Variants in GRID2 observed in about 807,000 individuals in gnomAD.
GRID2 encodes the protein glutamate receptor ionotropic, delta-2.
In GRID2, 33 loss-of-function variants were observed where a neutral mutation model predicts 114.8. That is an observed-to-expected ratio of 0.29 (90% CI 0.22 to 0.38). The LOEUF (loss-of-function observed/expected upper bound fraction) is 0.38, where lower values mean the gene tolerates loss of function less well. Among genes scored for constraint, GRID2 ranks in the 10% least tolerant of loss-of-function variants. The pLI is 1.00. For missense variants in GRID2, 1,184 were observed against 1,257.7 expected (o/e 0.94, Z 0.89); for synonymous variants, 505 against 449.9 (o/e 1.12, Z -1.55).
rs569553091 is a variant in GRID2 at position 92,326,181 on chromosome 4, A to G, written c.88+21437A>G. ...CTTTCAGAATTGAGCTATCACTGCA[A>G]TTTTAATCAACAAAACTAGTTCCTA... On this transcript the variant is annotated intron_variant, in intron 1 of 15. Transcript: ENST00000282020. 6.9e-4 allele frequency among the ~76,000 whole-genome samples: 105 copies of G among 151,992 alleles called. 1 individual carries two copies. Among genetic ancestry groups the G allele is most frequent in the Non-Finnish European group, 1.3e-3 (88 of 67,842 alleles).
chr4:93,400,685 A>G (rs1208128458), intron 9 of GRID2, among the ~76,000 whole-genome samples: 3 of 152,172 alleles, frequency 2.0e-5, no homozygotes, highest in Non-Finnish European at 4.4e-5. Flanking sequence ...TCTGAGAACC[A>G]TAAATTGGCA....
intron 8 of GRID2, among the ~76,000 whole-genome samples, chr4:93,385,513 G>A (rs1156405524): frequency 1.3e-5 from 2 of 152,246 alleles, no homozygotes; most frequent in East Asian, 3.9e-4. Context: ...TTTTCATTGT[G>A]TGTGAATTGT....
At position 93,660,985 on chromosome 4, in the gene GRID2, G is replaced by A. The variant is rs559585925; in HGVS notation, c.2360+34550G>A. Among the ~76,000 whole-genome samples, 3 of 152,182 alleles carry A rather than the reference G, an allele frequency of 2.0e-5. No individual in the cohort carries two copies. In the South Asian group the frequency reaches 6.2e-4, roughly 32 times the overall value. The stretch of plus-strand genomic sequence containing the variant: ...AGGGGGAAAAAAAAAGCAAAAAACT[G>A]ACCTCGCACCTGAAGAAAGGTACTA... On this transcript the variant is annotated intron_variant, in intron 14 of 15. Transcript: ENST00000282020.
At chr4:92,926,792 T>C (rs916144790) in intron 2 of GRID2, among the ~76,000 whole-genome samples, 22 of 151,860 alleles carry the variant, frequency 1.4e-4, no homozygotes, top group Admixed American at 2.6e-4. Flanking sequence ...GTGAGGGTGT[T>C]CTTGCAGCAT....
intron 4 of GRID2, among the ~76,000 whole-genome samples, chr4:93,207,044 A>G (rs980271543): frequency 6.6e-6 from 1 of 152,080 alleles, no homozygotes; most frequent in Non-Finnish European, 1.5e-5. Flanking sequence ...ATAAAAAGAC[A>G]TCAAAGTTTA....
chr4:92,392,609 A>G (rs1008054310), intron 1 of GRID2, among the ~76,000 whole-genome samples: 2 of 152,162 alleles, frequency 1.3e-5, no homozygotes, highest in Non-Finnish European at 2.9e-5. Context: ...TTAATACTGC[A>G]TAATTCAGTA....
chr4:93,757,295 C>A (rs529330831), intron 14 of GRID2, among the ~76,000 whole-genome samples: 2 of 152,216 alleles, frequency 1.3e-5, no homozygotes, highest in Non-Finnish European at 2.9e-5. Context: ...GCTTCTCCAG[C>A]GTGGTTCTGG....
intron 13 of GRID2, among the ~76,000 whole-genome samples, chr4:93,580,242 A>T (rs1299100700): frequency 6.6e-6 from 1 of 152,226 alleles, no homozygotes; most frequent in Non-Finnish European, 1.5e-5. Context: ...TTATGCAGCC[A>T]TATCAACAGA....
chr4:92,775,229 T>C (rs1218181027), intron 2 of GRID2, among the ~76,000 whole-genome samples: 1 of 152,198 alleles, frequency 6.6e-6, no homozygotes, highest in Non-Finnish European at 1.5e-5. Context: ...GAAGTTTGAT[T>C]CAGTACCCTG....
chr4:93,591,253 T>G (rs1165432773), intron 13 of GRID2, among the ~76,000 whole-genome samples: 2 of 151,602 alleles, frequency 1.3e-5, no homozygotes, highest in Non-Finnish European at 2.9e-5. Flanking sequence ...TTATTGAGAG[T>G]TTTTAGCATG....
chr4:93,328,858 C>A (rs1758137334), intron 8 of GRID2, among the ~76,000 whole-genome samples: 1 of 152,064 alleles, frequency 6.6e-6, no homozygotes, highest in South Asian at 2.1e-4. Flanking sequence ...ATTCATCAAT[C>A]ATTCATTGGA....
At chr4:93,681,875 G>C (rs1018209762) in intron 14 of GRID2, among the ~76,000 whole-genome samples, 1 of 151,780 alleles carries the variant, frequency 6.6e-6, no homozygotes, top group African/African-American at 2.4e-5. Flanking sequence ...CATGGGCAAG[G>C]ACTTCATGTC....
intron 2 of GRID2, among the ~76,000 whole-genome samples, chr4:92,637,871 G>T (rs943253922): frequency 6.6e-6 from 1 of 152,056 alleles, no homozygotes; most frequent in South Asian, 2.1e-4. Flanking sequence ...TTTCAAAAGA[G>T]AATAGTATCT....
At chr4:92,847,987 C>T (rs1743467027) in intron 2 of GRID2, among the ~76,000 whole-genome samples, 1 of 151,914 alleles carries the variant, frequency 6.6e-6, no homozygotes, top group Non-Finnish European at 1.5e-5. Context: ...TGTCAACAGT[C>T]AAAGGACAAG....
chr4:93,552,631 T>C (rs1000174512), intron 13 of GRID2, among the ~76,000 whole-genome samples: 10 of 152,144 alleles, frequency 6.6e-5, no homozygotes. Flanking sequence ...TGATGGCCAG[T>C]GATGATGAGC....
chr4:92,668,589 G>A (rs186201391), intron 2 of GRID2, among the ~76,000 whole-genome samples: 1 of 151,762 alleles, frequency 6.6e-6, no homozygotes, highest in African/African-American at 2.4e-5. Flanking sequence ...TTTTAGTTGA[G>A]CAATCTAGAT....
chr4:92,896,781 C>T (rs1264204342), intron 2 of GRID2, among the ~76,000 whole-genome samples: 2 of 152,068 alleles, frequency 1.3e-5, no homozygotes, highest in South Asian at 2.1e-4. Flanking sequence ...CTCGCTCTGT[C>T]GCCCAGGCTG....
At chr4:92,947,321 G>A (rs1356919248) in intron 2 of GRID2, among the ~76,000 whole-genome samples, 2 of 151,920 alleles carry the variant, frequency 1.3e-5, no homozygotes, top group African/African-American at 4.8e-5. Flanking sequence ...GTTATTATGT[G>A]CTAATATGAA....
At chr4:93,071,019 G>A (rs1007630049) in intron 2 of GRID2, among the ~76,000 whole-genome samples, 4 of 152,004 alleles carry the variant, frequency 2.6e-5, no homozygotes, top group African/African-American at 9.7e-5. Context: ...CTCTCATAGA[G>A]CTTATATATT....
Sources: gnomAD v4.1 joint callset for allele counts (sites outside exome capture counted in the v4.1 genomes callset) on GRCh38, gnomAD v4.1.1 for gene constraint, MANE v1.5 for transcripts, NCBI Gene and HGNC (gene_info 2026-07-23, HGNC 2026-07-21) for gene names.